Variants in SMOC1 observed in about 807,000 individuals in gnomAD.
The protein encoded by SMOC1 is SPARC related modular calcium binding 1.
Under a neutral mutation model 56.3 loss-of-function variants are expected in SMOC1, and 22 were observed. The ratio of observed to expected loss-of-function variants is 0.39; its 90% CI spans 0.28 to 0.56. The LOEUF (loss-of-function observed/expected upper bound fraction) is 0.56, where lower values mean the gene tolerates loss of function less well. Ranked by LOEUF, SMOC1 falls within the 20% of genes least tolerant of loss-of-function variation. The pLI is 0.61. For synonymous variants in SMOC1, 193 were observed against 215.0 expected, an observed-to-expected ratio of 0.90 and a Z score of 0.89; for missense variants, 509 against 565.4, an observed-to-expected ratio of 0.90 and a Z score of 1.01.
At chr14:69,966,710 G>A (rs1302821350) in intron 3 of SMOC1, among the ~76,000 whole-genome samples, 1 of 152,160 alleles carries the variant, frequency 6.6e-6, no homozygotes, top group African/African-American at 2.4e-5. Flanking sequence ...GTGAATTTTG[G>A]GACAATTTTT....
At chr14:69,967,465 AT>A (rs113947028) in intron 3 of SMOC1, among the ~76,000 whole-genome samples, 35 of 152,128 alleles carry the variant, frequency 2.3e-4, no homozygotes, top group South Asian at 6.2e-4. Context: ...ACATTATGAG[AT>A]TTTTTTTAAG....
intron 1 of SMOC1, among the ~76,000 whole-genome samples, chr14:69,904,187 G>C (rs1292924935): frequency 2.0e-5 from 3 of 152,224 alleles, no homozygotes; most frequent in African/African-American, 4.8e-5. Context: ...TTATTTGCTT[G>C]AGTCCATTTG....
In SMOC1 at chr14:69,884,157, C is replaced by T. The variant is rs913027108; in HGVS notation, c.99+4380C>T. 1.1e-4 allele frequency among the ~76,000 whole-genome samples: 16 copies of T among 152,056 alleles called. No individual in the cohort carries two copies. The South Asian group carries it at 1.9e-3, about 18-fold the overall frequency. ...TCCCGACCTCATGATCCACCCGCCT[C>T]GGCCTCCCAAAGTGTTGGGACTACA... On this transcript the variant is annotated intron_variant, in intron 1 of 11. Coordinates refer to ENST00000361956, the MANE Select transcript of SMOC1 (RefSeq NM_001034852.3).
intron 5 of SMOC1, among the ~76,000 whole-genome samples, chr14:69,983,500 C>T (rs1388258399): frequency 1.3e-5 from 2 of 152,168 alleles, no homozygotes; most frequent in African/African-American, 2.4e-5. Context: ...TCCAGCGGAG[C>T]AGCAGGCTTC....
At chr14:69,907,995 G>A (rs1006405616) in intron 1 of SMOC1, among the ~76,000 whole-genome samples, 4 of 152,158 alleles carry the variant, frequency 2.6e-5, no homozygotes, top group African/African-American at 9.7e-5. Context: ...TGGGGGTGGG[G>A]ATTTCATCAT....
intron 1 of SMOC1, among the ~76,000 whole-genome samples, chr14:69,905,752 G>A (rs779151820): frequency 1.4e-4 from 21 of 152,216 alleles, no homozygotes; most frequent in South Asian, 8.3e-4. Flanking sequence ...AAGGTGAAAG[G>A]GAGAAATCAA....
chr14:69,997,554 C>G (rs1884811641), intron 7 of SMOC1, among the ~76,000 whole-genome samples: 1 of 152,118 alleles, frequency 6.6e-6, no homozygotes, highest in African/African-American at 2.4e-5. Context: ...GTTTTAGTGC[C>G]TTGCAGGATT....
In SMOC1 at chr14:69,947,174, C is replaced by A. The variant is rs77474924; in HGVS notation, c.100-4964C>A. Among the ~76,000 whole-genome samples, 1,050 of 145,842 alleles carry A rather than the reference C, an allele frequency of 7.2e-3. 12 individuals are homozygous for A. The highest frequency in any genetic ancestry group is 0.025 in the African/African-American group (987 of 39,472). ...CTTCACTCCCTCTTTCTTTTCTTTT[C>A]TTTGCTCCTTTCTTTCCTTTCATTC... On this transcript the variant is annotated intron_variant, in intron 1 of 11. Coordinates refer to ENST00000361956, the MANE Select transcript of SMOC1 (RefSeq NM_001034852.3).
chr14:69,894,093 C>G (rs1207799252), intron 1 of SMOC1, among the ~76,000 whole-genome samples: 2 of 152,190 alleles, frequency 1.3e-5, no homozygotes, highest in African/African-American at 4.8e-5. Flanking sequence ...GCTACTCAGT[C>G]TGTGGTATTT....
chr14:70,028,368 G>A (rs1194405866), intron 11 of SMOC1, among the ~76,000 whole-genome samples: 1 of 152,170 alleles, frequency 6.6e-6, no homozygotes. Context: ...TGATGGCTCA[G>A]AGCATGATTC....
intron 1 of SMOC1, among the ~76,000 whole-genome samples, chr14:69,897,435 C>T (rs1005537312): frequency 9.9e-5 from 15 of 152,026 alleles, no homozygotes; most frequent in African/African-American, 3.4e-4. Flanking sequence ...ACTATATTTG[C>T]TACTGTTTTC....
chr14:69,937,653 T>C (rs1015587464), intron 1 of SMOC1, among the ~76,000 whole-genome samples: 3 of 152,314 alleles, frequency 2.0e-5, no homozygotes, highest in Admixed American at 6.5e-5. Flanking sequence ...CAGCTTGAGA[T>C]GGTCTGACAG....
At chr14:69,972,433 A>G (rs558935463) in intron 3 of SMOC1, among the ~76,000 whole-genome samples, 596 of 151,824 alleles carry the variant, frequency 3.9e-3, no homozygotes, top group African/African-American at 0.013. Flanking sequence ...CACCTGCGGC[A>G]CACCTGGGGT....
chr14:69,984,341 A>G (rs182947548), intron 5 of SMOC1, among the ~76,000 whole-genome samples: 1 of 152,380 alleles, frequency 6.6e-6, no homozygotes, highest in East Asian at 1.9e-4. Flanking sequence ...GAAGAAAACA[A>G]GAGAAAATCT....
chr14:69,942,198 A>G (rs1328166916), intron 1 of SMOC1, among the ~76,000 whole-genome samples: 1 of 152,012 alleles, frequency 6.6e-6, no homozygotes, highest in Non-Finnish European at 1.5e-5. Context: ...TCCACATGTC[A>G]GTCTTTGCAA....
intron 1 of SMOC1, among the ~76,000 whole-genome samples, chr14:69,919,376 G>A (rs1215020094): frequency 6.6e-6 from 1 of 152,170 alleles, no homozygotes; most frequent in Admixed American, 6.5e-5. Context: ...CTGTGTTGCA[G>A]CCAAGGGGGA....
intron 1 of SMOC1, among the ~76,000 whole-genome samples, chr14:69,908,464 T>C (rs1182941379): frequency 6.6e-6 from 1 of 152,152 alleles, no homozygotes; most frequent in Non-Finnish European, 1.5e-5. Context: ...CACCCTTGGA[T>C]GAGGTCTTGC....
chr14:69,901,018 G>T (rs1342457272), intron 1 of SMOC1, among the ~76,000 whole-genome samples: 1 of 152,236 alleles, frequency 6.6e-6, no homozygotes, highest in Non-Finnish European at 1.5e-5. Context: ...CAACTGGGCA[G>T]CTGCAGTTCT....
chr14:69,916,311 A>G (rs1203906811), intron 1 of SMOC1, among the ~76,000 whole-genome samples: 2 of 152,148 alleles, frequency 1.3e-5, no homozygotes, highest in East Asian at 3.9e-4. Context: ...GCTTCTTGCC[A>G]CCTCTGCTGC....
Sources: gnomAD v4.1 joint callset for allele counts (sites outside exome capture counted in the v4.1 genomes callset) on GRCh38, gnomAD v4.1.1 for gene constraint, MANE v1.5 for transcripts, NCBI Gene and HGNC (gene_info 2026-07-23, HGNC 2026-07-21) for gene names.